The following CDK12 variants were observed in gnomAD, a reference collection of about 807,000 sequenced individuals.
CDK12 encodes cyclin dependent kinase 12.
Under a neutral mutation model 133.8 loss-of-function variants are expected in CDK12, and 17 were observed. The ratio of observed to expected loss-of-function variants is 0.13; its 90% CI spans 0.09 to 0.19. The LOEUF is 0.19. Ranked by LOEUF, CDK12 falls within the 10% of genes least tolerant of loss-of-function variation. CDK12 has a pLI of 1.00. For missense variants in CDK12, 1,508 were observed against 1,818.7 expected (o/e 0.83, Z 3.11); for synonymous variants, 694 against 683.6 (o/e 1.02, Z -0.24).
chr17:39,486,252 T>G (rs1168715111), intron 2 of CDK12, among the ~76,000 whole-genome samples: 1 of 107,458 alleles, frequency 9.3e-6, no homozygotes. Flanking sequence ...GCACCCTGCC[T>G]CTTTTTTTTT....
chr17:39,485,867 T>A (rs2051084687), intron 2 of CDK12, among the ~76,000 whole-genome samples: 1 of 152,106 alleles, frequency 6.6e-6, no homozygotes, highest in Non-Finnish European at 1.5e-5. Flanking sequence ...AGCAAGATCC[T>A]GTCTCCAAAC....
downstream of CDK12, among the ~76,000 whole-genome samples, chr17:39,539,389 T>C (rs768663632): frequency 1.3e-5 from 2 of 152,224 alleles, no homozygotes; most frequent in Non-Finnish European, 2.9e-5. Flanking sequence ...TGTAACACTT[T>C]GAAGTCATGA....
At chr17:39,553,255 C>T (rs2056025736) in intron 2 of CDK12, among the ~76,000 whole-genome samples, 1 of 152,068 alleles carries the variant, frequency 6.6e-6, no homozygotes, top group South Asian at 2.1e-4. Flanking sequence ...GATGACTAAA[C>T]CTCCCATCTT....
chr17:39,565,644 G>A (rs1040421844), downstream of CDK12, among the ~76,000 whole-genome samples: 3 of 151,220 alleles, frequency 2.0e-5, no homozygotes, highest in East Asian at 5.9e-4. Flanking sequence ...ATCTTGGTCA[G>A]GCTGGTCTCA....
At chr17:39,472,212 G>T (rs1194540859) in intron 2 of CDK12, among the ~76,000 whole-genome samples, 1 of 151,922 alleles carries the variant, frequency 6.6e-6, no homozygotes, top group African/African-American at 2.4e-5. Flanking sequence ...TGGAACTCCT[G>T]ACCTCAAGTG....
At chr17:39,469,857 G>C (rs529979277) in intron 1 of CDK12, among the ~76,000 whole-genome samples, 1 of 151,688 alleles carries the variant, frequency 6.6e-6, no homozygotes. Context: ...GGCTAGTCTC[G>C]AACTCCCAAT....
rs925349454 is a variant in CDK12, at chr17:39,534,454, A to G, written c.*3138A>G. The G allele has an allele frequency of 8.6e-6, 2 of 232,738 alleles. No individual in the cohort carries two copies. The highest frequency in any genetic ancestry group is 1.7e-5 in the Non-Finnish European group (2 of 117,694). The allele number at this position is 232,738 out of a possible 1,614,324, so 14.4% of individuals were successfully genotyped here. A position where few individuals can be genotyped will look rare whatever the true frequency, so the allele number is the denominator to read the frequency against. Reference sequence around the variant, plus strand: ...CCCATTGGGTGTATCTTGTCTATGTACAGATATTTTGTAATATATTAAATT... The same window carrying G: ...CCCATTGGGTGTATCTTGTCTATGTGCAGATATTTTGTAATATATTAAATT... On this transcript the variant is annotated 3_prime_UTR_variant, in exon 14 of 14. Coordinates refer to ENST00000447079, the MANE Select transcript of CDK12 (RefSeq NM_016507.4).
intron 5 of CDK12, among the ~76,000 whole-genome samples, chr17:39,496,571 G>A (rs2052129545): frequency 6.6e-6 from 1 of 151,976 alleles, no homozygotes; most frequent in Non-Finnish European, 1.5e-5. Context: ...ATGGTGGCTA[G>A]CGCCTGTAAT....
In CDK12 at chr17:39,462,873, A is replaced by T. The variant is rs1324867080; in HGVS notation, c.802A>T (p.Ser268Cys). 7 of 1,614,078 alleles carry T rather than the reference A, an allele frequency of 4.3e-6. No individual in the cohort carries two copies. Among genetic ancestry groups the T allele is most frequent in the Non-Finnish European group, 5.9e-6 (7 of 1,180,036 alleles). ...NYDSYKKSPG[S>C]TSRRQSVSPP... is the part of the protein sequence containing the mutation. ...TGACTCCTACAAGAAAAGTCCTGGA[A>T]GTACCTCGAGAAGGCAGTCGGTCAG... The change falls in exon 1 of 14, where the codon AGT (serine) becomes TGT (cysteine). Residue 268 changes from serine to cysteine, a missense_variant. Transcript: ENST00000447079.
rs1276511683 is a variant in CDK12 at position 39,462,434 on chromosome 17, C to T, written c.363C>T (p.Asp121=). ...HRHHQHRRSR[D]LLKAKQTEKE... ...ACCACCAGCACAGGCGTTCCCGGGA[C>T]TTACTAAAAGCTAAACAGACCGAAA... is the stretch of plus-strand genomic sequence containing the variant. Residue 121 remains aspartate (D), a synonymous_variant, in exon 1 of 14, where the codon GAC becomes GAT. Coordinates refer to ENST00000447079, the MANE Select transcript of CDK12 (RefSeq NM_016507.4). The T allele has an allele frequency of 6.2e-7, 1 of 1,613,992 alleles. No homozygotes were observed. Among genetic ancestry groups the T allele is most frequent in the East Asian group, 2.2e-5 (1 of 44,886 alleles).
chr17:39,496,834 A>T (rs562029847), intron 5 of CDK12, among the ~76,000 whole-genome samples: 2 of 151,488 alleles, frequency 1.3e-5, no homozygotes, highest in African/African-American at 2.4e-5. Context: ...TTCATATTTA[A>T]TGTCAGATTC....
Position 39,530,926 on chromosome 17 carries a change from C to T in CDK12, c.4083C>T (p.Ala1361=), listed in dbSNP as rs372766726. 5 of 1,614,102 alleles carry T rather than the reference C, an allele frequency of 3.1e-6. No individual in the cohort carries two copies. Among genetic ancestry groups the T allele is most frequent in the Non-Finnish European group, 4.2e-6 (5 of 1,180,048 alleles). Residue 1361 remains alanine, a synonymous_variant, in exon 14 of 14, where the codon GCC becomes GCT. Coordinates refer to ENST00000447079, the MANE Select transcript of CDK12 (RefSeq NM_016507.4). The part of the protein sequence containing the change: ...IDTDERNSGP[A]LTESLVQTLV... ...CTGATGAACGAAACTCTGGTCCAGC[C>T]TTGACAGAATCCTTGGTCCAGACCC...
upstream of CDK12, among the ~76,000 whole-genome samples, chr17:39,545,608 C>G (rs1403647451): frequency 6.6e-6 from 1 of 150,462 alleles, no homozygotes; most frequent in Non-Finnish European, 1.5e-5. Context: ...AAGTGATTCT[C>G]CTGTCTCAGC....
intron 6 of CDK12, among the ~76,000 whole-genome samples, chr17:39,509,080 G>C (rs1386247399): frequency 6.6e-6 from 1 of 151,948 alleles, no homozygotes; most frequent in Non-Finnish European, 1.5e-5. Flanking sequence ...TCTCAGGCCA[G>C]CTGCATTGGC....
At position 39,471,100 on chromosome 17, in the gene CDK12, C is replaced by T. The variant is rs2049756720; in HGVS notation, c.1268C>T (p.Ser423Leu). ...ATGGATGGAAAGGAGTCCAAGGGTTCACCTGTATTTTTGCCTAGAAAAGAG... is the reference window on the plus strand; with the variant it reads ...ATGGATGGAAAGGAGTCCAAGGGTTTACCTGTATTTTTGCCTAGAAAAGAG... ...AKMDGKESKG[S>L]PVFLPRKENS... The change falls in exon 2 of 14, where the codon TCA becomes TTA. Residue 423 changes from serine to leucine, a missense_variant. Ser to Leu is a moderately radical substitution (Grantham distance 145). Around this residue, in one of 9 missense-constraint regions of CDK12, gnomAD observed 347 missense variants for 330.8 expected, o/e 1.05. Coordinates refer to ENST00000447079, the MANE Select transcript of CDK12 (RefSeq NM_016507.4). 6.8e-6 allele frequency: 11 copies of T among 1,610,042 alleles called. No homozygotes were observed. Among genetic ancestry groups the T allele is most frequent in the Non-Finnish European group, 8.5e-6 (10 of 1,178,952 alleles).
chr17:39,529,687 G>T (rs2054709854), intron 13 of CDK12, among the ~76,000 whole-genome samples: 1 of 151,910 alleles, frequency 6.6e-6, no homozygotes, highest in Admixed American at 6.6e-5. Context: ...AGCACATTTA[G>T]GCAGCAGTGG....
At chr17:39,483,269 T>C (rs1016806735) in intron 2 of CDK12, among the ~76,000 whole-genome samples, 2 of 143,984 alleles carry the variant, frequency 1.4e-5, no homozygotes, top group Admixed American at 7.0e-5. Flanking sequence ...GTTTCTTTTC[T>C]TTTTTTTTTT....
intron 2 of CDK12, among the ~76,000 whole-genome samples, chr17:39,486,885 G>A (rs2051175587): frequency 6.6e-6 from 1 of 152,078 alleles, no homozygotes; most frequent in South Asian, 2.1e-4. Flanking sequence ...GCACACGCCT[G>A]TAGTCCCAGC....
intron 2 of CDK12, among the ~76,000 whole-genome samples, chr17:39,480,131 C>T (rs2050525899): frequency 6.6e-6 from 1 of 152,086 alleles, no homozygotes; most frequent in South Asian, 2.1e-4. Flanking sequence ...ACCATCTTTC[C>T]CAGGCTGATT....
Sources: allele counts gnomAD v4.1 joint callset (sites outside exome capture counted in the v4.1 genomes callset), GRCh38; gene constraint gnomAD v4.1.1; regional missense constraint gnomAD v4.1.1; transcripts MANE v1.5; gene names NCBI Gene and HGNC (gene_info 2026-07-23, HGNC 2026-07-21).